The following MELTF variants were observed in gnomAD, a reference collection of about 807,000 sequenced individuals.
MELTF encodes the protein antigen p97 (melanoma associated) identified by monoclonal antibodies 133.2 and 96.5.
In MELTF, 67 loss-of-function variants were observed where a neutral mutation model predicts 83.7. That is an observed-to-expected ratio of 0.80 (90% CI 0.66 to 0.98). MELTF has a LOEUF of 0.98. Among genes scored for constraint, MELTF ranks in the 50% least tolerant of loss-of-function variants. MELTF has a pLI of 0.00. For synonymous variants in MELTF, 462 were observed against 447.6 expected (o/e 1.03, Z -0.41); for missense variants, 1,002 against 1,035.6 (o/e 0.97, Z 0.44).
chr3:197,003,394 C>A lies in MELTF; in HGVS notation c.2195G>T (p.Arg732Leu). The change falls in exon 16 of 16, where the codon CGC becomes CTC. Residue 732 changes from arginine to leucine, a missense_variant. Physicochemically the swap from Arg to Leu is moderately radical, Grantham distance 102. Coordinates refer to ENST00000296350, the MANE Select transcript of MELTF (RefSeq NM_005929.6). This position sits in a 1 kb window ranked among gnomAD's most constrained non-coding sequence, Gnocchi z 6.2. ...LPLLLPALAA[R>L]LLPPAL The stretch of plus-strand genomic sequence containing the variant: ...GGCTCAGAGGGCGGGCGGGAGCAGG[C>A]GGGCGGCGAGGGCGGGCAGCAGCAG... The A allele has an allele frequency of 9.4e-7, 1 of 1,058,874 alleles. No homozygotes were observed. The highest frequency in any genetic ancestry group is 6.6e-5 in the East Asian group (1 of 15,040). 65.6% of individuals were successfully genotyped at this position (1,058,874 alleles called of 1,614,324 possible).
Position 197,008,769 on chromosome 3 carries a change from C to G in MELTF, c.1682+40G>C, listed in dbSNP as rs1719067780. 2 of 1,613,878 alleles carry G rather than the reference C, an allele frequency of 1.2e-6. No individual in the cohort carries two copies. The highest frequency in any genetic ancestry group is 1.3e-5 in the African/African-American group (1 of 75,052). On this transcript the variant is annotated intron_variant, in intron 12 of 15. Transcript: ENST00000296350. The surrounding 1 kb of genome is among the most constrained non-coding windows in gnomAD (Gnocchi z 5.4). Reference sequence around the variant, plus strand: ...GCAGGCGTCGGCAGGAGGGTCCCAGCCTCTGCACACAGCCCCAGACTGCCA... The same window carrying G: ...GCAGGCGTCGGCAGGAGGGTCCCAGGCTCTGCACACAGCCCCAGACTGCCA...
rs561843875 is a variant in MELTF, at chr3:197,010,680, G to A, written c.1330+18C>T. On this transcript the variant is annotated intron_variant, in intron 10 of 15. Coordinates refer to ENST00000296350, the MANE Select transcript of MELTF (RefSeq NM_005929.6). ...CCCCACCTCCCGGCTGAGGCCAGGCGGCAGGCCCTGCACTCACGGGCATAG... is the reference window on the plus strand; with the variant it reads ...CCCCACCTCCCGGCTGAGGCCAGGCAGCAGGCCCTGCACTCACGGGCATAG... 1.6e-5 allele frequency: 25 copies of A among 1,601,898 alleles called. No homozygotes were observed. In the East Asian group the frequency reaches 1.8e-4, roughly 11 times the overall value.
In MELTF at chr3:197,003,262, C is replaced by A; in HGVS notation, c.*110G>T. On this transcript the variant is annotated 3_prime_UTR_variant, in exon 16 of 16. Coordinates refer to ENST00000296350, the MANE Select transcript of MELTF (RefSeq NM_005929.6). The surrounding 1 kb of genome is among the most constrained non-coding windows in gnomAD (Gnocchi z 6.2). ...CGGGGCTCCCGGGGAGGCGCCTGCT[C>A]CCGCCCACGCCGGGCCCGGCCTTCG... The A allele has an allele frequency of 9.8e-7, 1 of 1,015,950 alleles. No homozygotes were observed. Among genetic ancestry groups the A allele is most frequent in the Non-Finnish European group, 1.2e-6 (1 of 851,360 alleles). The allele number at this position is 1,015,950 out of a possible 1,614,324, so 62.9% of individuals were successfully genotyped here.
chr3:197,025,535 C>T (rs1719817903), intron 3 of MELTF: 1 of 152,274 alleles, frequency 6.6e-6, no homozygotes, highest in Non-Finnish European at 1.5e-5. Flanking sequence ...CAACATGTGT[C>T]ACTGTATTGT....
rs1215572937 is a variant in MELTF at position 197,003,436 on chromosome 3, C to T, written c.2153G>A (p.Gly718Glu). ...QCSGAAAPAP[G>E]APLLPLLLPA... ...CAGCAGCAGCGGGAGCAGGGGCGCC[C>T]CGGGCGCCGGGGCCGCTGGGGACGA... The change falls in exon 16 of 16, where the codon GGG (glycine) becomes GAG (glutamate). Residue 718 changes from glycine to glutamate, a missense_variant. Physicochemically the swap from Gly to Glu is moderately conservative, Grantham distance 98. Coordinates refer to ENST00000296350, the MANE Select transcript of MELTF (RefSeq NM_005929.6). This position sits in a 1 kb window ranked among gnomAD's most constrained non-coding sequence, Gnocchi z 6.2. The T allele has an allele frequency of 1.8e-6, 2 of 1,082,088 alleles. No individual in the cohort carries two copies. The highest frequency in any genetic ancestry group is 2.2e-6 in the Non-Finnish European group (2 of 895,758). 67.0% of individuals were successfully genotyped at this position (1,082,088 alleles called of 1,614,324 possible).
rs1234332115 is a variant in MELTF at position 197,002,001 on chromosome 3, A to C, written c.*1371T>G. 1 of 152,236 alleles carries C rather than the reference A, an allele frequency of 6.6e-6. No individual in the cohort carries two copies. Among genetic ancestry groups the C allele is most frequent in the Admixed American group, 6.5e-5 (1 of 15,286 alleles). 9.4% of individuals were successfully genotyped at this position (152,236 alleles called of 1,614,324 possible). ...CAAGCAATCGTCAGGTCGGAGGAGA[A>C]TCACTAGCCCCCCACAGCGAGAGGG... On this transcript the variant is annotated 3_prime_UTR_variant, in exon 16 of 16. Coordinates refer to ENST00000296350, the MANE Select transcript of MELTF (RefSeq NM_005929.6).
chr3:197,017,099 C>A lies in MELTF; in HGVS notation c.900+4G>T, dbSNP rs759625361. On this transcript the variant is annotated splice_donor_region_variant and intron_variant, in intron 7 of 15. Coordinates refer to ENST00000296350, the MANE Select transcript of MELTF (RefSeq NM_005929.6). ...TGCAGGTGGTTGGGGGACCCTGAGC[C>A]CACCTGGCCTTCGTTGAGCAGCCGG... 4.3e-6 allele frequency: 7 copies of A among 1,610,608 alleles called. No individual in the cohort carries two copies. In the Admixed American group the frequency reaches 1.0e-4, roughly 23 times the overall value.
In MELTF at chr3:197,003,793, G is replaced by GGCCTCCACCC; in HGVS notation, c.2137+98_2137+107dup. The GGCCTCCACCC allele has an allele frequency of 1.6e-6, 2 of 1,216,052 alleles. No individual in the cohort carries two copies. The highest frequency in any genetic ancestry group is 2.3e-6 in the Non-Finnish European group (2 of 868,726). 75.3% of individuals were successfully genotyped at this position (1,216,052 alleles called of 1,614,324 possible). A position where few individuals can be genotyped will look rare whatever the true frequency, so the allele number is the denominator to read the frequency against. On this transcript the variant is annotated intron_variant, in intron 15 of 15. Transcript: ENST00000296350. The surrounding 1 kb of genome is among the most constrained non-coding windows in gnomAD (Gnocchi z 6.2). Reference sequence around the variant, plus strand: ...CACCCCACCTGGACTGCTGCGAACGGGCCTCCACCCGCCTCCCCGGACCCG... The same window carrying GGCCTCCACCC: ...CACCCCACCTGGACTGCTGCGAACGGGCCTCCACCCGCCTCCACCCGCCTCCCCGGACCCG...
chr3:197,028,263 C>T (rs1011328428), intron 1 of MELTF: 3 of 230,980 alleles, frequency 1.3e-5, no homozygotes, highest in African/African-American at 2.2e-5. Flanking sequence ...GCTTCTTCCC[C>T]TCTCCAGGCC....
At position 197,009,682 on chromosome 3, in the gene MELTF, A is replaced by G. The variant is rs970942634; in HGVS notation, c.1461T>C (p.Asp487=). The G allele has an allele frequency of 9.9e-6, 16 of 1,613,714 alleles. No homozygotes were observed. The African/African-American group carries it at 1.3e-4, about 13-fold the overall frequency. ...HAGFGSPAGW[D]VPVGALIQRG... is the part of the protein sequence containing the mutation. ...TCTGAATAAGGGCACCCACGGGGAC[A>G]TCCCAGCCTGCAGGGCTGCCGAAAC... is the stretch of plus-strand genomic sequence containing the variant. The change falls in exon 11 of 16, where the codon GAT becomes GAC. Residue 487 remains aspartate (D), a synonymous_variant. Coordinates refer to ENST00000296350, the MANE Select transcript of MELTF (RefSeq NM_005929.6).
chr3:197,021,360 C>T (rs1251849230), intron 6 of MELTF, 44 bp downstream of exon 6: 2 of 1,604,260 alleles, frequency 1.2e-6, no homozygotes, highest in Non-Finnish European at 1.7e-6. Flanking sequence ...GCCGGCCTGG[C>T]CTGACTCCCT....
Position 197,027,753 on chromosome 3 carries a change from C to T in MELTF, c.204+3G>A, listed in dbSNP as rs775618501. On this transcript the variant is annotated splice_donor_region_variant and intron_variant, in intron 2 of 15. Coordinates refer to ENST00000296350, the MANE Select transcript of MELTF (RefSeq NM_005929.6). ...CTGGCAGGGTGGAAGGGAGAGGACT[C>T]ACCGCGATGAGCTGGACGCAGTGGT... 6 of 1,604,196 alleles carry T rather than the reference C, an allele frequency of 3.7e-6. No homozygotes were observed. The South Asian group carries it at 6.6e-5, about 18-fold the overall frequency.
chr3:197,003,715 G>A lies in MELTF; in HGVS notation c.2137+186C>T. The A allele has an allele frequency of 1.4e-6, 1 of 717,816 alleles. No homozygotes were observed. Among genetic ancestry groups the A allele is most frequent in the East Asian group, 2.7e-5 (1 of 36,638 alleles). 44.5% of individuals were successfully genotyped at this position (717,816 alleles called of 1,614,324 possible). ...TTACCCAGGTCCGTCTGGGAGACCC[G>A]CCGGGCTCCCGCCCTCCCGGCCCGC... On this transcript the variant is annotated intron_variant, in intron 15 of 15. Transcript: ENST00000296350. The surrounding 1 kb of genome is among the most constrained non-coding windows in gnomAD (Gnocchi z 6.2).
rs1441525248 is a variant in MELTF at position 197,029,378 on chromosome 3, G to A, written c.49+276C>T. 1.0e-4 allele frequency: 37 copies of A among 365,808 alleles called. No individual in the cohort carries two copies. The East Asian group carries it at 1.3e-3, about 13-fold the overall frequency. 22.7% of individuals were successfully genotyped at this position (365,808 alleles called of 1,614,324 possible). A position where few individuals can be genotyped will look rare whatever the true frequency, so the allele number is the denominator to read the frequency against. ...CGGGAGCTCCTCTCCACACCCCGAG[G>A]CCTCCCCACCACGCCTCAGCCCGCG... On this transcript the variant is annotated intron_variant, in intron 1 of 15. Transcript: ENST00000296350. This position sits in a 1 kb window ranked among gnomAD's most constrained non-coding sequence, Gnocchi z 6.5.
At chr3:197,026,898 C>T (rs554087068) in intron 2 of MELTF, 139 bp from the exon 3 acceptor site, 5 of 649,050 alleles carry the variant, frequency 7.7e-6, no homozygotes, top group Middle Eastern at 3.3e-4. Flanking sequence ...CCCAGGAGCC[C>T]AACCAGAGCC....
At chr3:197,012,597 G>A (rs1035875630) in intron 9 of MELTF, among the ~76,000 whole-genome samples, 1 of 152,260 alleles carries the variant, frequency 6.6e-6, no homozygotes, top group Non-Finnish European at 1.5e-5. Context: ...TACTTGCTCT[G>A]AAAACAAAAA....
chr3:197,004,754 A>G (rs1189365190), intron 14 of MELTF: 2 of 154,194 alleles, frequency 1.3e-5, no homozygotes, highest in African/African-American at 2.4e-5. Context: ...ATGAATGTCT[A>G]TGTAAAGTGT....
rs199669757 is a variant in MELTF, at chr3:197,009,767, C to T, written c.1376G>A (p.Arg459Gln). ...CAAGGTGAAGGCGTGGGAGCTGTCC[C>T]GTCTCACCACGGCCACCACGTAGTA... is the stretch of plus-strand genomic sequence containing the variant. The part of the protein sequence containing the change: ...NSYYVVAVVR[R>Q]DSSHAFTLDE... Residue 459 changes from arginine (R) to glutamine (Q), a missense_variant, in exon 11 of 16, where the codon CGG (arginine) becomes CAG (glutamine). Physicochemically the swap from Arg to Gln is conservative, Grantham distance 43. Coordinates refer to ENST00000296350, the MANE Select transcript of MELTF (RefSeq NM_005929.6). 569 of 1,613,292 alleles carry T rather than the reference C, an allele frequency of 3.5e-4. 3 individuals carry two copies. Among genetic ancestry groups the T allele is most frequent in the African/African-American group, 4.5e-4 (34 of 74,956 alleles).
In MELTF at chr3:197,007,793, T is replaced by C. The variant is rs1719033061; in HGVS notation, c.1750+864A>G. Among the ~76,000 whole-genome samples, 1 of 151,988 alleles carries C rather than the reference T, an allele frequency of 6.6e-6. No individual in the cohort carries two copies. Among genetic ancestry groups the C allele is most frequent in the African/African-American group, 2.4e-5 (1 of 41,376 alleles). Reference sequence around the variant, plus strand: ...CCAAGTTTTGAAACACTAACTGAGGTTTTCGTTTTTTTCCCTGCACGTCTT... The same window carrying C: ...CCAAGTTTTGAAACACTAACTGAGGCTTTCGTTTTTTTCCCTGCACGTCTT... On this transcript the variant is annotated intron_variant, in intron 13 of 15. Transcript: ENST00000296350. The surrounding 1 kb of genome is among the most constrained non-coding windows in gnomAD (Gnocchi z 4.3).
Sources: gnomAD v4.1 joint callset for allele counts (sites outside exome capture counted in the v4.1 genomes callset) on GRCh38, gnomAD v4.1.1 for gene constraint, Gnocchi (gnomAD v3.1) non-coding constraint, MANE v1.5 for transcripts, NCBI Gene and HGNC (gene_info 2026-07-23, HGNC 2026-07-21) for gene names.